Variants in UBAP2L observed in about 807,000 individuals in gnomAD.
UBAP2L encodes the protein ubiquitin-associated protein 2-like.
A neutral mutation model predicts 130.6 loss-of-function variants in UBAP2L; 12 were observed. The ratio of observed to expected loss-of-function variants is 0.09; its 90% CI spans 0.06 to 0.15. The LOEUF (loss-of-function observed/expected upper bound fraction) is 0.15, where lower values mean the gene tolerates loss of function less well. UBAP2L is among the 10% of genes least tolerant of loss of function. The pLI, the probability that UBAP2L is intolerant of heterozygous loss-of-function variation, is 1.00. For missense variants in UBAP2L, 965 were observed against 1,332.5 expected (o/e 0.72, Z 4.29); for synonymous variants, 503 against 524.7 (o/e 0.96, Z 0.57).
At position 154,258,982 on chromosome 1, in the gene UBAP2L, A is replaced by C; in HGVS notation, c.2448A>C (p.Gln816His). The part of the protein sequence containing the change: ...APGLLHAYPP[Q>H]VYGYDDLQML... ...TATATGTCTGTATCTTTCAGCCACA[A>C]GTATATGGTTATGATGACTTGCAGA... Residue 816 changes from glutamine (Q) to histidine (H), a missense_variant, in exon 21 of 27, where the codon CAA (glutamine) becomes CAC (histidine). Physicochemically the swap from Gln to His is conservative, Grantham distance 24. Transcript: ENST00000428931. 1 of 1,613,914 alleles carries C rather than the reference A, an allele frequency of 6.2e-7. No individual in the cohort carries two copies. The highest frequency in any genetic ancestry group is 8.5e-7 in the Non-Finnish European group (1 of 1,179,874).
intron 8 of UBAP2L, among the ~76,000 whole-genome samples, chr1:154,240,366 T>C (rs548530317): frequency 7.9e-5 from 12 of 152,202 alleles, no homozygotes; most frequent in Admixed American, 7.2e-4. Context: ...ATGTGGAAGG[T>C]GGTTTGATTG....
At chr1:154,220,182 G>A (rs1169285565), upstream of UBAP2L, 4 of 948,496 alleles carry the variant, frequency 4.2e-6, no homozygotes, top group East Asian at 2.4e-5. Flanking sequence ...GGGTCGGCCC[G>A]ACTAAGTGAC....
Position 154,255,233 on chromosome 1 carries a change from C to G in UBAP2L, c.1991C>G (p.Ser664Cys), listed in dbSNP as rs1469446353. Residue 664 changes from serine to cysteine, a missense_variant, in exon 17 of 27, where the codon TCC (serine) becomes TGC (cysteine). By Grantham distance (112) the Ser-to-Cys change is moderately radical (BLOSUM62 -1). This residue lies in a region of UBAP2L where 393 missense variants were observed against 408.1 expected (regional missense o/e 0.96). Coordinates refer to ENST00000428931, the MANE Select transcript of UBAP2L (RefSeq NM_014847.4). ...PPLNETVSAA[S>C]LLTTTNQHSS... ...CTCAATGAAACGGTATCTGCAGCTTCCTTACTGACGACAACCAATCAGCAT... is the reference window on the plus strand; with the variant it reads ...CTCAATGAAACGGTATCTGCAGCTTGCTTACTGACGACAACCAATCAGCAT... 4 of 1,614,212 alleles carry G rather than the reference C, an allele frequency of 2.5e-6. No homozygotes were observed. The highest frequency in any genetic ancestry group is 3.4e-6 in the Non-Finnish European group (4 of 1,180,022).
rs755927460 is a variant in UBAP2L at position 154,241,501 on chromosome 1, C to T, written c.704-12C>T. 1.2e-5 allele frequency: 19 copies of T among 1,612,508 alleles called. No homozygotes were observed. The Middle Eastern group carries it at 4.9e-4, about 42-fold the overall frequency. On this transcript the variant is annotated splice_polypyrimidine_tract_variant and intron_variant, in intron 8 of 26. Coordinates refer to ENST00000428931, the MANE Select transcript of UBAP2L (RefSeq NM_014847.4). ...ATAGTGAAGTTACTTCACTATTTTT[C>T]TTTATTCTCAGGTGCATGGAGGACT... is the stretch of plus-strand genomic sequence containing the variant.
intron 24 of UBAP2L, among the ~76,000 whole-genome samples, chr1:154,266,295 A>G (rs1056335009): frequency 6.6e-6 from 1 of 152,190 alleles, no homozygotes; most frequent in African/African-American, 2.4e-5. Context: ...CGTATACTCA[A>G]CACGTACCTG....
intron 4 of UBAP2L, among the ~76,000 whole-genome samples, chr1:154,231,364 G>C (rs1451693892): frequency 1.4e-5 from 2 of 147,054 alleles, no homozygotes; most frequent in African/African-American, 5.0e-5. Context: ...GCAATGGTGA[G>C]ATCTCGGCTC....
rs745461799 is a variant in UBAP2L, at chr1:154,249,231, A to T, written c.1015-8A>T. 5 of 1,614,030 alleles carry T rather than the reference A, an allele frequency of 3.1e-6. No homozygotes were observed. The highest frequency in any genetic ancestry group is 4.2e-6 in the Non-Finnish European group (5 of 1,179,966). On this transcript the variant is annotated splice_region_variant and splice_polypyrimidine_tract_variant and intron_variant, in intron 11 of 26. Transcript: ENST00000428931. ...GTAGGTTTCTCTCATCTCTTTGTTG[A>T]TCTACAGGTGAGCATGTTAGGGAAA...
intron 26 of UBAP2L, chr1:154,269,641 A>G (rs1399334919): frequency 2.9e-6 from 1 of 347,914 alleles, no homozygotes; most frequent in Admixed American, 3.9e-5. Context: ...GGTTACCAGA[A>G]TGGAAAAGAT....
intron 4 of UBAP2L, among the ~76,000 whole-genome samples, chr1:154,229,200 A>G (rs1669002428): frequency 6.6e-6 from 1 of 151,870 alleles, no homozygotes; most frequent in African/African-American, 2.4e-5. Context: ...CTACTGTTTC[A>G]TTGCCTGAAC....
In UBAP2L at chr1:154,237,026, C is replaced by T; in HGVS notation, c.593C>T (p.Thr198Ile). 1.2e-6 allele frequency: 2 copies of T among 1,613,586 alleles called. No individual in the cohort carries two copies. Among genetic ancestry groups the T allele is most frequent in the African/African-American group, 1.3e-5 (1 of 74,988 alleles). Residue 198 changes from threonine (T) to isoleucine (I), a missense_variant and splice_region_variant, in exon 8 of 27, where the codon ACC becomes ATC. Thr to Ile is a moderately conservative substitution (Grantham distance 89, BLOSUM62 -1). Coordinates refer to ENST00000428931, the MANE Select transcript of UBAP2L (RefSeq NM_014847.4). ...GGRFSAQGMG[T>I]FNPADYAEPA... The stretch of plus-strand genomic sequence containing the variant: ...CTCTTAAGTTTTATTTTTTCCAGAA[C>T]CTTTAACCCAGCTGATTATGCAGAG...
intron 21 of UBAP2L, among the ~76,000 whole-genome samples, chr1:154,259,357 A>AT (rs1234098113): frequency 1.3e-5 from 2 of 151,572 alleles, no homozygotes; most frequent in South Asian, 2.1e-4. Flanking sequence ...CCCCCAGCTA[A>AT]TTTTTTTTGT....
intron 2 of UBAP2L, 139 bp from the exon 3 acceptor site, chr1:154,227,143 G>A (rs1004308384): frequency 1.3e-5 from 9 of 688,308 alleles, no homozygotes; most frequent in African/African-American, 3.6e-5. Flanking sequence ...CCCATTAAGC[G>A]TCCTAAATGG....
Position 154,259,160 on chromosome 1 carries a change from A to G in UBAP2L, c.2496+130A>G, listed in dbSNP as rs1026134511. On this transcript the variant is annotated intron_variant, in intron 21 of 26. Transcript: ENST00000428931. ...TACACTCTGATTTAAGGCATATTAG[A>G]ATATAGGGATTTGGGGGAGGGTTTC... 9 of 796,512 alleles carry G rather than the reference A, an allele frequency of 1.1e-5. No individual in the cohort carries two copies. In the Admixed American group the frequency reaches 1.5e-4, roughly 13 times the overall value. The allele number at this position is 796,512 out of a possible 1,614,324, so 49.3% of individuals were successfully genotyped here. A position where few individuals can be genotyped will look rare whatever the true frequency, so the allele number is the denominator to read the frequency against.
At chr1:154,226,210 A>G (rs1345307544) in intron 2 of UBAP2L, among the ~76,000 whole-genome samples, 1 of 152,160 alleles carries the variant, frequency 6.6e-6, no homozygotes, top group East Asian at 1.9e-4. Flanking sequence ...CTCTGGTTCC[A>G]TTGAGACCTT....
chr1:154,234,319 C>T (rs991465743), intron 4 of UBAP2L, among the ~76,000 whole-genome samples: 2 of 152,008 alleles, frequency 1.3e-5, no homozygotes, highest in African/African-American at 4.8e-5. Flanking sequence ...GCCAAGATCA[C>T]ACCACTGCAC....
intron 14 of UBAP2L, among the ~76,000 whole-genome samples, chr1:154,252,136 G>A (rs964863077): frequency 3.3e-5 from 5 of 151,804 alleles, no homozygotes; most frequent in African/African-American, 1.2e-4. Flanking sequence ...ACCATAACCA[G>A]CAAATTTTTG....
chr1:154,266,549 C>G lies in UBAP2L; in HGVS notation c.2951C>G (p.Ser984Cys). ...ACGGGCGTGCCAGATATCTCGGGTT[C>G]TGTGTACTCCAAAACCCAGGTAGGT... is the stretch of plus-strand genomic sequence containing the variant. ...SNTGVPDISGSVYSKTQQSFE... is the reference protein window; with the variant it reads ...SNTGVPDISGCVYSKTQQSFE... Residue 984 changes from serine to cysteine, a missense_variant, in exon 25 of 27, where the codon TCT (serine) becomes TGT (cysteine). Transcript: ENST00000428931. 1 of 1,614,112 alleles carries G rather than the reference C, an allele frequency of 6.2e-7. No homozygotes were observed. The highest frequency in any genetic ancestry group is 8.5e-7 in the Non-Finnish European group (1 of 1,180,024).
rs1678068996 is a variant in UBAP2L at position 154,252,547 on chromosome 1, CTGGGATTACAGTCA to C, written c.1664+897_1664+910del. On this transcript the variant is annotated intron_variant, in intron 14 of 26. Coordinates refer to ENST00000428931, the MANE Select transcript of UBAP2L (RefSeq NM_014847.4). ...CTGCCCTCCTCGGCCTCCCAAAGGA[CTGGGATTACAGTCA>C]TGAGGCACCACGCCTGGCTCAGAGT... 2.0e-5 allele frequency among the ~76,000 whole-genome samples: 3 copies of C among 152,128 alleles called. No homozygotes were observed. The South Asian group carries it at 6.2e-4, about 32-fold the overall frequency.
chr1:154,261,234 G>A, intron 23 of UBAP2L, 125 bp downstream of exon 23: 1 of 1,153,822 alleles, frequency 8.7e-7, no homozygotes, highest in Non-Finnish European at 1.2e-6. Context: ...CCTCTGGCCT[G>A]TTTTTGGCCT....
Sources: allele counts gnomAD v4.1 joint callset (sites outside exome capture counted in the v4.1 genomes callset), GRCh38; gene constraint gnomAD v4.1.1; regional missense constraint gnomAD v4.1.1; transcripts MANE v1.5; gene names NCBI Gene and HGNC (gene_info 2026-07-23, HGNC 2026-07-21).